SNCAIP: variants seen among roughly 807,000 people sequenced by gnomAD.
SNCAIP encodes synphilin-1.
In SNCAIP, 43 loss-of-function variants were observed where a neutral mutation model predicts 86.7. The observed-to-expected ratio is 0.50, with a 90% CI of 0.39 to 0.64. The LOEUF (loss-of-function observed/expected upper bound fraction) is 0.64. SNCAIP is among the 30% of genes least tolerant of loss of function. SNCAIP has a pLI of 0.00. For missense variants in SNCAIP, 981 were observed against 1,103.1 expected, an observed-to-expected ratio of 0.89 and a Z score of 1.57; for synonymous variants, 417 against 427.2, an observed-to-expected ratio of 0.98 and a Z score of 0.29.
At chr5:122,423,822 T>A in intron 4 of SNCAIP, 83 bp downstream of exon 4, 1 of 1,256,430 alleles carries the variant, frequency 8.0e-7, no homozygotes, top group Non-Finnish European at 1.1e-6. Context: ...AACAGAACGA[T>A]GCTGCATTTG....
chr5:122,371,104 A>G (rs1188171357), intron 1 of SNCAIP, among the ~76,000 whole-genome samples: 1 of 152,100 alleles, frequency 6.6e-6, no homozygotes, highest in Non-Finnish European at 1.5e-5. Flanking sequence ...ACTTGAGACC[A>G]GGAGTTTGAG....
intron 8 of SNCAIP, among the ~76,000 whole-genome samples, chr5:122,445,498 C>A (rs990650827): frequency 5.3e-5 from 8 of 151,898 alleles, no homozygotes; most frequent in African/African-American, 1.9e-4. Flanking sequence ...CAAGGTCAGC[C>A]CTTGAAAAGC....
chr5:122,385,292 G>T (rs1339159619), intron 1 of SNCAIP, among the ~76,000 whole-genome samples: 1 of 152,162 alleles, frequency 6.6e-6, no homozygotes, highest in African/African-American at 2.4e-5. Flanking sequence ...TGAAGAAGTG[G>T]ATAAAGTCCA....
At position 122,330,725 on chromosome 5, in the gene SNCAIP, T is replaced by C. The variant is rs548704828; in HGVS notation, c.-47+18441T>C. Among the ~76,000 whole-genome samples, 93 of 152,312 alleles carry C rather than the reference T, an allele frequency of 6.1e-4. 3 individuals carry two copies. The South Asian group carries it at 0.019, about 31-fold the overall frequency. On this transcript the variant is annotated intron_variant, in intron 1 of 10. Coordinates refer to ENST00000261368, the MANE Select transcript of SNCAIP (RefSeq NM_005460.4). ...TTTTTGGCACCAGGGACTGGTCTCA[T>C]GGAAGACAATTTTTCCATAGTTGGG...
chr5:122,370,541 A>G (rs1452620902), intron 1 of SNCAIP, among the ~76,000 whole-genome samples: 1 of 152,076 alleles, frequency 6.6e-6, no homozygotes, highest in Non-Finnish European at 1.5e-5. Flanking sequence ...CTTCTTAATA[A>G]ACAGCTAATT....
chr5:122,426,008 G>A (rs1581174188), intron 5 of SNCAIP, among the ~76,000 whole-genome samples: 2 of 152,316 alleles, frequency 1.3e-5, no homozygotes, highest in South Asian at 4.1e-4. Flanking sequence ...TCAGTGCCGA[G>A]TTTGAGTTTA....
At chr5:122,326,606 C>CT (rs11297385) in intron 1 of SNCAIP, among the ~76,000 whole-genome samples, 2,361 of 42,098 alleles carry the variant, frequency 0.056, 336 homozygotes, top group Middle Eastern at 0.071. Context: ...GAAATGTCTC[C>CT]TTTTTTTTTT....
intron 2 of SNCAIP, among the ~76,000 whole-genome samples, chr5:122,397,790 A>C (rs1770933032): frequency 6.6e-6 from 1 of 152,204 alleles, no homozygotes; most frequent in African/African-American, 2.4e-5. Flanking sequence ...TGAACTGTGC[A>C]GAAGTATATT....
Position 122,423,410 on chromosome 5 carries a change from A to C in SNCAIP, c.673A>C (p.Ile225Leu), listed in dbSNP as rs1776781254. 1 of 1,613,838 alleles carries C rather than the reference A, an allele frequency of 6.2e-7. No individual in the cohort carries two copies. Among genetic ancestry groups the C allele is most frequent in the Non-Finnish European group, 8.5e-7 (1 of 1,179,784 alleles). Reference protein sequence around the residue: ...SPHLRKASAVIHDQHKLSTEE... With the variant: ...SPHLRKASAVLHDQHKLSTEE... ...TCACTTGAGAAAAGCATCAGCTGTC[A>C]TCCACGACCAGCACAAGCTGTCCAC... is the stretch of plus-strand genomic sequence containing the variant. The change falls in exon 4 of 11, where the codon ATC becomes CTC. Residue 225 changes from isoleucine to leucine, a missense_variant. By Grantham distance (5) the Ile-to-Leu change is conservative. Coordinates refer to ENST00000261368, the MANE Select transcript of SNCAIP (RefSeq NM_005460.4).
At chr5:122,432,359 G>A (rs1453686138) in intron 6 of SNCAIP, among the ~76,000 whole-genome samples, 1 of 152,022 alleles carries the variant, frequency 6.6e-6, no homozygotes, top group Non-Finnish European at 1.5e-5. Context: ...AAACAAATAT[G>A]TATGATACAA....
intron 5 of SNCAIP, among the ~76,000 whole-genome samples, chr5:122,431,671 C>T (rs930276861): frequency 1.3e-5 from 2 of 151,920 alleles, no homozygotes; most frequent in East Asian, 1.9e-4. Flanking sequence ...TACATCAAAC[C>T]GTATACTTTA....
At chr5:122,452,662 C>T (rs1783935752) in intron 10 of SNCAIP, among the ~76,000 whole-genome samples, 1 of 152,162 alleles carries the variant, frequency 6.6e-6, no homozygotes, top group Non-Finnish European at 1.5e-5. Flanking sequence ...AAAAGGCATA[C>T]TCGTGCCCAA....
rs55712196 is a variant in SNCAIP at position 122,450,972 on chromosome 5, G to C, written c.2125G>C (p.Glu709Gln). 0.012 allele frequency: 18,973 copies of C among 1,614,162 alleles called. 145 individuals carry two copies. The highest frequency in any genetic ancestry group is 0.014 in the Non-Finnish European group (16,534 of 1,180,034). The change falls in exon 10 of 11, where the codon GAG becomes CAG. Residue 709 changes from glutamate (E) to glutamine (Q), a missense_variant. Glu to Gln is a conservative substitution (Grantham distance 29). Coordinates refer to ENST00000261368, the MANE Select transcript of SNCAIP (RefSeq NM_005460.4). ...PRPQPIVESV[E>Q]SMDSAESLHL... ...GCCGCAGCCCATTGTAGAAAGCGTA[G>C]AGAGTATGGACAGCGCAGAAAGCCT...
intron 1 of SNCAIP, among the ~76,000 whole-genome samples, chr5:122,386,270 A>G (rs985529144): frequency 1.3e-5 from 2 of 152,078 alleles, no homozygotes; most frequent in Non-Finnish European, 2.9e-5. Context: ...CAAGGAGGCT[A>G]TTTTTTTAAT....
At chr5:122,351,922 T>C (rs1470439955) in intron 1 of SNCAIP, among the ~76,000 whole-genome samples, 2 of 152,202 alleles carry the variant, frequency 1.3e-5, no homozygotes, top group Non-Finnish European at 2.9e-5. Context: ...AAAAGCAGGA[T>C]GATCTGATCT....
intron 2 of SNCAIP, among the ~76,000 whole-genome samples, chr5:122,396,298 T>C (rs947626567): frequency 6.6e-6 from 1 of 152,166 alleles, no homozygotes; most frequent in African/African-American, 2.4e-5. Flanking sequence ...GATATTCTAT[T>C]GTTAGTGTTA....
chr5:122,451,022 C>G lies in SNCAIP; in HGVS notation c.2175C>G (p.Thr725=). ...TGCACCTGATGATTAAGAAACACAC[C>G]TTGGCATCAGGGGGACGCAGGTTTC... ...ESLHLMIKKH[T]LASGGRRFPF... The change falls in exon 10 of 11, where the codon ACC becomes ACG. Residue 725 remains threonine, a synonymous_variant. Transcript: ENST00000261368. The G allele has an allele frequency of 6.2e-7, 1 of 1,614,176 alleles. No individual in the cohort carries two copies. Among genetic ancestry groups the G allele is most frequent in the Admixed American group, 1.7e-5 (1 of 60,030 alleles).
At chr5:122,385,651 G>A (rs1022851846) in intron 1 of SNCAIP, among the ~76,000 whole-genome samples, 1 of 151,324 alleles carries the variant, frequency 6.6e-6, no homozygotes, top group Non-Finnish European at 1.5e-5. Context: ...TACAAATTTG[G>A]CAGGCATGCG....
chr5:122,328,286 G>A (rs1180268853), intron 1 of SNCAIP, among the ~76,000 whole-genome samples: 1 of 152,076 alleles, frequency 6.6e-6, no homozygotes, highest in East Asian at 1.9e-4. Context: ...TTCTAGTCCT[G>A]GGCTAGAGAT....
Sources: gnomAD v4.1 joint callset for allele counts (sites outside exome capture counted in the v4.1 genomes callset) on GRCh38, gnomAD v4.1.1 for gene constraint, MANE v1.5 for transcripts, NCBI Gene and HGNC (gene_info 2026-07-23, HGNC 2026-07-21) for gene names.